The following EOGT variants were observed in gnomAD, a reference collection of about 807,000 sequenced individuals.
EOGT encodes EGF domain specific O-linked N-acetylglucosamine transferase.
Under a neutral mutation model 70.5 loss-of-function variants are expected in EOGT, and 55 were observed. The ratio of observed to expected loss-of-function variants is 0.78; its 90% confidence interval spans 0.63 to 0.98. EOGT has a LOEUF of 0.98. Ranked by LOEUF, EOGT falls within the 50% of genes least tolerant of loss-of-function variation. The pLI, the probability that EOGT is intolerant of heterozygous loss-of-function variation, is 0.00. For missense variants in EOGT, 703 were observed against 641.9 expected (o/e 1.10, Z -1.03); for synonymous variants, 246 against 217.1 (o/e 1.13, Z -1.17).
At chr3:68,998,416 T>A (rs186449294) in intron 9 of EOGT, among the ~76,000 whole-genome samples, 25 of 152,362 alleles carry the variant, frequency 1.6e-4, no homozygotes, top group African/African-American at 5.8e-4. Flanking sequence ...AAGGTAGGTC[T>A]ATTTAACTCA....
intron 4 of EOGT, 43 bp downstream of exon 4, chr3:69,009,594 A>G: frequency 6.6e-7 from 1 of 1,510,836 alleles, no homozygotes; most frequent in Non-Finnish European, 9.2e-7. Context: ...GCCAGCTGAA[A>G]TTGCATCCTC....
intron 14 of EOGT, among the ~76,000 whole-genome samples, chr3:68,985,128 C>T (rs991551091): frequency 1.3e-5 from 2 of 152,152 alleles, no homozygotes; most frequent in Admixed American, 6.5e-5. Flanking sequence ...ATGCTTGACC[C>T]CCAACTGCAC....
chr3:68,986,199 G>A (rs10446389), intron 14 of EOGT, among the ~76,000 whole-genome samples: 11 of 152,046 alleles, frequency 7.2e-5, no homozygotes, highest in Admixed American at 2.0e-4. Context: ...CTGGGCTCAC[G>A]TGGATGATCC....
chr3:69,009,953 A>G (rs1229849975), intron 3 of EOGT, 93 bp from the exon 4 acceptor site: 12 of 756,326 alleles, frequency 1.6e-5, no homozygotes, highest in African/African-American at 3.6e-5. Context: ...AAAAAAACAA[A>G]GGGTCAAGGG....
At chr3:68,981,103 T>A (rs1365159357) in intron 15 of EOGT, among the ~76,000 whole-genome samples, 1 of 152,120 alleles carries the variant, frequency 6.6e-6, no homozygotes, top group Non-Finnish European at 1.5e-5. Context: ...TTTTACATAA[T>A]CTGTAAAATG....
intron 15 of EOGT, among the ~76,000 whole-genome samples, chr3:68,980,735 A>C (rs775422437): frequency 3.3e-5 from 5 of 152,248 alleles, no homozygotes; most frequent in Non-Finnish European, 5.9e-5. Context: ...CAGTTTCTCC[A>C]GGAATGTGAA....
chr3:69,005,177 A>G lies in EOGT; in HGVS notation c.478T>C (p.Tyr160His), dbSNP rs2091406818. The change falls in exon 7 of 18, where the codon TAT (tyrosine) becomes CAT (histidine). Residue 160 changes from tyrosine (Y) to histidine (H), a missense_variant. Physicochemically the swap from Tyr to His is moderately conservative, Grantham distance 83 (BLOSUM62 2). Coordinates refer to ENST00000383701, the MANE Select transcript of EOGT (RefSeq NM_001278689.2). ...CTCTTGATGTTTCTTAAATCAAGAT[A>G]GAGATTGGTTGCTCTGCAGTACTGA... ...YLQYCRATNL[Y>H]LDLRNIKRNH... 1.9e-6 allele frequency: 3 copies of G among 1,604,262 alleles called. No individual in the cohort carries two copies. Among genetic ancestry groups the G allele is most frequent in the African/African-American group, 2.7e-5 (2 of 74,774 alleles).
rs1177719577 is a variant in EOGT at position 68,979,788 on chromosome 3, C to T, written c.1215-1G>A. 3 of 1,612,682 alleles carry T rather than the reference C, an allele frequency of 1.9e-6. No individual in the cohort carries two copies. The highest frequency in any genetic ancestry group is 2.5e-6 in the Non-Finnish European group (3 of 1,179,150). ...TAGTTGATCTAAAAACCCAAGTTCTCTGTGAACATACAGAATAACATGAGA... is the reference window on the plus strand; with the variant it reads ...TAGTTGATCTAAAAACCCAAGTTCTTTGTGAACATACAGAATAACATGAGA... On this transcript the variant is annotated splice_acceptor_variant, in intron 15 of 17. Coordinates refer to ENST00000383701, the MANE Select transcript of EOGT (RefSeq NM_001278689.2). LOFTEE classifies it high-confidence loss of function.
At chr3:68,993,985 C>T (rs553545212) in intron 10 of EOGT, among the ~76,000 whole-genome samples, 22 of 152,282 alleles carry the variant, frequency 1.4e-4, no homozygotes, top group African/African-American at 4.8e-4. Context: ...CTGGGAGATA[C>T]AATTCAAGCT....
intron 10 of EOGT, among the ~76,000 whole-genome samples, chr3:68,991,544 T>C (rs1387411518): frequency 1.3e-5 from 2 of 152,298 alleles, no homozygotes; most frequent in East Asian, 1.9e-4. Context: ...TTAAACAGAA[T>C]ACCACATAAC....
chr3:68,981,653 T>C (rs1032738123), intron 15 of EOGT, among the ~76,000 whole-genome samples: 6 of 152,224 alleles, frequency 3.9e-5, no homozygotes, highest in Non-Finnish European at 8.8e-5. Flanking sequence ...ATTCTGTCTT[T>C]CTAAGCCTTT....
At chr3:68,987,132 G>C (rs774929111) in intron 14 of EOGT, among the ~76,000 whole-genome samples, 1 of 152,202 alleles carries the variant, frequency 6.6e-6, no homozygotes, top group East Asian at 1.9e-4. Context: ...CTATGCAAAA[G>C]AAAGTCTTAC....
chr3:68,998,539 G>C (rs955925174), intron 9 of EOGT, among the ~76,000 whole-genome samples: 2 of 152,122 alleles, frequency 1.3e-5, no homozygotes, highest in African/African-American at 2.4e-5. Context: ...ACCATGCCTA[G>C]CTTGATCAGT....
rs369344510 is a variant in EOGT, at chr3:68,976,677, T to C, written c.*941A>G. 6.6e-6 allele frequency: 1 copy of C among 152,450 alleles called. No individual in the cohort carries two copies. The highest frequency in any genetic ancestry group is 2.4e-5 in the African/African-American group (1 of 41,326). 9.4% of individuals were successfully genotyped at this position (152,450 alleles called of 1,614,324 possible). A position where few individuals can be genotyped will look rare whatever the true frequency, so the allele number is the denominator to read the frequency against. ...GTGTGTGTGTGTGTGTGTGTATGTT[T>C]TGCATGTTTTCCTTTCCTACCACAA... is the stretch of plus-strand genomic sequence containing the variant. On this transcript the variant is annotated 3_prime_UTR_variant, in exon 18 of 18. Coordinates refer to ENST00000383701, the MANE Select transcript of EOGT (RefSeq NM_001278689.2).
intron 9 of EOGT, among the ~76,000 whole-genome samples, chr3:69,000,975 T>A (rs1390011589): frequency 6.6e-6 from 1 of 151,308 alleles, no homozygotes; most frequent in Non-Finnish European, 1.5e-5. Flanking sequence ...TTTTTTTTTT[T>A]AAGACGGAGT....
intron 15 of EOGT, among the ~76,000 whole-genome samples, chr3:68,980,710 C>T (rs919369519): frequency 2.6e-5 from 4 of 152,192 alleles, no homozygotes; most frequent in Non-Finnish European, 5.9e-5. Context: ...TGTATCACAA[C>T]GAGAACATGT....
In EOGT at chr3:68,975,829, A is replaced by G. The variant is rs1479471556; in HGVS notation, c.*1789T>C. The G allele has an allele frequency of 1.3e-5, 2 of 152,232 alleles. No homozygotes were observed. The highest frequency in any genetic ancestry group is 2.9e-5 in the Non-Finnish European group (2 of 68,040). The allele number at this position is 152,232 out of a possible 1,614,324, so 9.4% of individuals were successfully genotyped here. A position where few individuals can be genotyped will look rare whatever the true frequency, so the allele number is the denominator to read the frequency against. On this transcript the variant is annotated 3_prime_UTR_variant, in exon 18 of 18. Coordinates refer to ENST00000383701, the MANE Select transcript of EOGT (RefSeq NM_001278689.2). Reference sequence around the variant, plus strand: ...GTTCCAATCCTTTAAAGTGGGGGTCAGCAAACGTCTTCTGTAAAGGTCCAG... The same window carrying G: ...GTTCCAATCCTTTAAAGTGGGGGTCGGCAAACGTCTTCTGTAAAGGTCCAG...
chr3:68,983,937 T>C (rs146436130), intron 14 of EOGT, among the ~76,000 whole-genome samples: 5,099 of 152,298 alleles, frequency 0.033, 299 homozygotes, highest in African/African-American at 0.12. Context: ...CACTCCAGCC[T>C]GGGCAACAAG....
At chr3:69,001,022 T>C (rs535394770) in intron 9 of EOGT, among the ~76,000 whole-genome samples, 1 of 151,714 alleles carries the variant, frequency 6.6e-6, no homozygotes, top group African/African-American at 2.4e-5. Flanking sequence ...AGCGGCACGA[T>C]CTTGGCTCAC....
Sources: gnomAD v4.1 joint callset for allele counts (sites outside exome capture counted in the v4.1 genomes callset) on GRCh38, gnomAD v4.1.1 for gene constraint, MANE v1.5 for transcripts, NCBI Gene and HGNC (gene_info 2026-07-23, HGNC 2026-07-21) for gene names.